SPATA21: variants seen among roughly 807,000 people sequenced by gnomAD.
SPATA21 encodes spermatogenesis-associated protein 21.
SPATA21 carries 47 observed loss-of-function variants against 54.8 expected under a neutral mutation model. That is an observed-to-expected ratio of 0.86 (90% CI 0.68 to 1.09). The LOEUF (loss-of-function observed/expected upper bound fraction) is 1.09. Ranked by LOEUF, SPATA21 falls within the 50% of genes least tolerant of loss-of-function variation. The probability of loss-of-function intolerance (pLI) is 0.00; values close to 1 mark genes in which losing one functional copy is unlikely to be tolerated. For synonymous variants in SPATA21, 245 were observed against 235.3 expected (o/e 1.04, Z -0.38); for missense variants, 599 against 596.4 (o/e 1.00, Z -0.05).
rs115142294 is a variant in SPATA21, at chr1:16,404,638, C to T, written c.811+329G>A. Among the ~76,000 whole-genome samples the T allele has an allele frequency of 3.2e-3, 481 of 152,248 alleles. 3 individuals carry two copies. Among genetic ancestry groups the T allele is most frequent in the African/African-American group, 0.011 (463 of 41,548 alleles). On this transcript the variant is annotated intron_variant, in intron 8 of 12. Transcript: ENST00000335496. ...TTGAGACCAGCCCGGGCAACAAAGA[C>T]TCCATCTCTACAAAAAATAAAAAGT...
chr1:16,402,410 C>T (rs1337974850), intron 10 of SPATA21, among the ~76,000 whole-genome samples: 3 of 151,244 alleles, frequency 2.0e-5, no homozygotes, highest in South Asian at 2.1e-4. Flanking sequence ...TACAGGCACC[C>T]GCCACCACGC....
rs2086175125 is a variant in SPATA21 at position 16,421,623 on chromosome 1, CCT to C, written c.96-68_96-67del. On this transcript the variant is annotated intron_variant, in intron 4 of 12. Coordinates refer to ENST00000335496, the MANE Select transcript of SPATA21 (RefSeq NM_198546.1). The surrounding 1 kb of genome is among the most constrained non-coding windows in gnomAD (Gnocchi z 5.2). ...CTGAAGGTTTGCCCCCCTGCCCTCCCCTCTCAGCCCCCAGGACACTCAGTTCC... is the reference window on the plus strand; with the variant it reads ...CTGAAGGTTTGCCCCCCTGCCCTCCCCTCAGCCCCCAGGACACTCAGTTCC... 6.7e-7 allele frequency: 1 copy of C among 1,500,358 alleles called. No individual in the cohort carries two copies. Among genetic ancestry groups the C allele is most frequent in the African/African-American group, 1.4e-5 (1 of 72,352 alleles). 92.9% of individuals were successfully genotyped at this position (1,500,358 alleles called of 1,614,324 possible). A position where few individuals can be genotyped will look rare whatever the true frequency, so the allele number is the denominator to read the frequency against.
intron 7 of SPATA21, among the ~76,000 whole-genome samples, chr1:16,405,511 A>C (rs45528640): frequency 0.12 from 17,518 of 147,334 alleles, 1,203 homozygotes; most frequent in East Asian, 0.17. Flanking sequence ...AAAAAAAAAA[A>C]AAAACTGGGC....
intron 11 of SPATA21, 57 bp from the exon 12 acceptor site, chr1:16,399,578 G>A: frequency 7.1e-6 from 11 of 1,559,136 alleles, no homozygotes; most frequent in Non-Finnish European, 9.6e-6. Flanking sequence ...GCCTTGGGAA[G>A]CAGGCAGATT....
At chr1:16,397,319 G>A (rs1570064148), downstream of SPATA21, 1 of 152,290 alleles carries the variant, frequency 6.6e-6, no homozygotes, top group South Asian at 2.1e-4. This position sits in a 1 kb window ranked among gnomAD's most constrained non-coding sequence, Gnocchi z 5.4. Context: ...CCCAAATGGA[G>A]AGGTAGCAGG....
At chr1:16,399,970 C>T (rs895670359) in intron 11 of SPATA21, among the ~76,000 whole-genome samples, 1 of 152,036 alleles carries the variant, frequency 6.6e-6, no homozygotes, top group South Asian at 2.1e-4. Context: ...TATAAACTCC[C>T]CTTTCCAAAA....
intron 5 of SPATA21, among the ~76,000 whole-genome samples, chr1:16,415,935 G>T (rs1406574002): frequency 4.6e-5 from 7 of 152,114 alleles, no homozygotes; most frequent in Non-Finnish European, 7.4e-5. Context: ...GAACGATGGT[G>T]CCAAGGCCCT....
At position 16,405,004 on chromosome 1, in the gene SPATA21, G is replaced by T. The variant is rs1480969165; in HGVS notation, c.774C>A (p.Ala258=). 4 of 1,607,332 alleles carry T rather than the reference G, an allele frequency of 2.5e-6. No individual in the cohort carries two copies. The highest frequency in any genetic ancestry group is 3.4e-6 in the Non-Finnish European group (4 of 1,177,972). The change falls in exon 8 of 13, where the codon GCC becomes GCA. Residue 258 remains alanine, a synonymous_variant. Coordinates refer to ENST00000335496, the MANE Select transcript of SPATA21 (RefSeq NM_198546.1). ...LLLMGFSVTL[A]QVEDALMSAD... ...CACTCATCAGGGCGTCCTCCACCTG[G>T]GCCAGCGTCACAGAGAAGCCCATTA... is the stretch of plus-strand genomic sequence containing the variant.
chr1:16,403,117 C>G (rs903850185), intron 10 of SPATA21, among the ~76,000 whole-genome samples: 2 of 152,180 alleles, frequency 1.3e-5, no homozygotes, highest in African/African-American at 2.4e-5. Context: ...ATGGCTATCT[C>G]TTCCTTAGAT....
chr1:16,421,704 A>G lies in SPATA21; in HGVS notation c.96-147T>C. The G allele has an allele frequency of 1.8e-6, 2 of 1,115,600 alleles. No individual in the cohort carries two copies. Among genetic ancestry groups the G allele is most frequent in the South Asian group, 2.9e-5 (2 of 68,914 alleles). The allele number at this position is 1,115,600 out of a possible 1,614,324, so 69.1% of individuals were successfully genotyped here. A position where few individuals can be genotyped will look rare whatever the true frequency, so the allele number is the denominator to read the frequency against. On this transcript the variant is annotated intron_variant, in intron 4 of 12. Coordinates refer to ENST00000335496, the MANE Select transcript of SPATA21 (RefSeq NM_198546.1). This position sits in a 1 kb window ranked among gnomAD's most constrained non-coding sequence, Gnocchi z 5.2. ...ATCTCAGGGGGCTCCTTATGTCCCC[A>G]CATCCTCATATATACAGGCTCACGG...
At chr1:16,422,784 A>AAGCACGAGCCAC (rs2086208222) in intron 3 of SPATA21, among the ~76,000 whole-genome samples, 2 of 152,126 alleles carry the variant, frequency 1.3e-5, no homozygotes, top group Admixed American at 6.6e-5. Context: ...CTGGGATTAC[A>AAGCACGAGCCAC]GGCATCAGTC....
chr1:16,400,793 C>G lies in SPATA21; in HGVS notation c.1101G>C (p.Gln367His). The change falls in exon 11 of 13, where the codon CAG becomes CAC. Residue 367 changes from glutamine (Q) to histidine (H), a missense_variant. By Grantham distance (24) the Gln-to-His change is conservative. Coordinates refer to ENST00000335496, the MANE Select transcript of SPATA21 (RefSeq NM_198546.1). Reference sequence around the variant, plus strand: ...CTGGAACTTCTGAGCTCTCTTCTTGCTGGGGGTTGTAGGGAAGCTTCTGCA... The same window carrying G: ...CTGGAACTTCTGAGCTCTCTTCTTGGTGGGGGTTGTAGGGAAGCTTCTGCA... ...LRLQKLPYNP[Q>H]QEESSEVPER... is the part of the protein sequence containing the mutation. 1 of 1,612,792 alleles carries G rather than the reference C, an allele frequency of 6.2e-7. No individual in the cohort carries two copies. Among genetic ancestry groups the G allele is most frequent in the Non-Finnish European group, 8.5e-7 (1 of 1,179,714 alleles).
intron 7 of SPATA21, among the ~76,000 whole-genome samples, chr1:16,406,024 A>G (rs1055949378): frequency 2.6e-5 from 4 of 152,150 alleles, no homozygotes; most frequent in African/African-American, 9.7e-5. Flanking sequence ...AGTGGAGGCT[A>G]CTAATTAGCT....
At chr1:16,422,472 T>A (rs191271595) in intron 3 of SPATA21, among the ~76,000 whole-genome samples, 1 of 151,430 alleles carries the variant, frequency 6.6e-6, no homozygotes, top group Admixed American at 6.6e-5. Flanking sequence ...ATTGAGAAGA[T>A]CCCCTTTAAA....
rs2100892173 is a variant in SPATA21 at position 16,428,571 on chromosome 1, T to A, written c.34+2767A>T. ...TGCCCAACTAATTTTTTTTTTTTAT[T>A]TTTTTTGTAGGCCAGGCTGGTCTCG... On this transcript the variant is annotated intron_variant, in intron 3 of 12. Coordinates refer to ENST00000335496, the MANE Select transcript of SPATA21 (RefSeq NM_198546.1). The surrounding 1 kb of genome is among the most constrained non-coding windows in gnomAD (Gnocchi z 4.3). Among the ~76,000 whole-genome samples, 1 of 151,738 alleles carries A rather than the reference T, an allele frequency of 6.6e-6. No homozygotes were observed. Among genetic ancestry groups the A allele is most frequent in the Non-Finnish European group, 1.5e-5 (1 of 67,998 alleles).
chr1:16,404,997 C>G lies in SPATA21; in HGVS notation c.781G>C (p.Glu261Gln), dbSNP rs149403317. 3.0e-4 allele frequency: 487 copies of G among 1,606,218 alleles called. 1 individual carries two copies. In the African/African-American group the frequency reaches 5.7e-3, roughly 19 times the overall value. Residue 261 changes from glutamate (E) to glutamine (Q), a missense_variant, in exon 8 of 13, where the codon GAG (glutamate) becomes CAG (glutamine). Coordinates refer to ENST00000335496, the MANE Select transcript of SPATA21 (RefSeq NM_198546.1). ...MGFSVTLAQV[E>Q]DALMSADVNG... ...ACATCAGCACTCATCAGGGCGTCCT[C>G]CACCTGGGCCAGCGTCACAGAGAAG...
At position 16,421,665 on chromosome 1, in the gene SPATA21, C is replaced by A; in HGVS notation, c.96-108G>T. The A allele has an allele frequency of 7.9e-7, 1 of 1,264,028 alleles. No individual in the cohort carries two copies. The highest frequency in any genetic ancestry group is 2.5e-5 in the East Asian group (1 of 40,486). The allele number at this position is 1,264,028 out of a possible 1,614,324, so 78.3% of individuals were successfully genotyped here. On this transcript the variant is annotated intron_variant, in intron 4 of 12. Transcript: ENST00000335496. This position sits in a 1 kb window ranked among gnomAD's most constrained non-coding sequence, Gnocchi z 5.2. Reference sequence around the variant, plus strand: ...CACTCAGTTCCACCCCAGCCTCATCCCCTTGGCCTTCTCATCTCAGGGGGC... The same window carrying A: ...CACTCAGTTCCACCCCAGCCTCATCACCTTGGCCTTCTCATCTCAGGGGGC...
At chr1:16,436,123 G>A (rs1009315964) in intron 1 of SPATA21, among the ~76,000 whole-genome samples, 6 of 151,230 alleles carry the variant, frequency 4.0e-5, no homozygotes, top group East Asian at 2.0e-4. Flanking sequence ...GTGGTGGTGC[G>A]TGCCTGTAAT....
chr1:16,401,154 C>T (rs77629561), intron 10 of SPATA21, among the ~76,000 whole-genome samples: 2,774 of 152,336 alleles, frequency 0.018, 86 homozygotes, highest in African/African-American at 0.063. Flanking sequence ...CTCTGAGCTT[C>T]AAGTTTCCGT....
Sources: gnomAD v4.1 joint callset for allele counts (sites outside exome capture counted in the v4.1 genomes callset) on GRCh38, gnomAD v4.1.1 for gene constraint, Gnocchi (gnomAD v3.1) non-coding constraint, MANE v1.5 for transcripts, NCBI Gene and HGNC (gene_info 2026-07-23, HGNC 2026-07-21) for gene names.